The following PYROXD1 variants were observed in gnomAD, a reference collection of about 807,000 sequenced individuals.
PYROXD1 encodes the protein pyridine nucleotide-disulphide oxidoreductase domain 1, also known as tRNA ligase complex-associated NAD(P)H dehydrogenase PYROXD1.
Under a neutral mutation model 62.0 loss-of-function variants are expected in PYROXD1, and 42 were observed. The observed-to-expected ratio is 0.68, with a 90% CI of 0.53 to 0.88. PYROXD1 has a LOEUF of 0.88. Ranked by LOEUF, PYROXD1 falls within the 40% of genes least tolerant of loss-of-function variation. The pLI is 0.00. For synonymous variants in PYROXD1, 170 were observed against 206.4 expected (o/e 0.82, Z 1.51); for missense variants, 493 against 604.8 (o/e 0.82, Z 1.94).
Position 21,460,878 on chromosome 12 carries a change from T to C in PYROXD1, c.751-147T>C, listed in dbSNP as rs1356892531. On this transcript the variant is annotated intron_variant, in intron 7 of 11. Coordinates refer to ENST00000240651, the MANE Select transcript of PYROXD1 (RefSeq NM_024854.5). ...CCTTTCATGTGCATAGAGAGACTTA[T>C]TTTAGGGCACCCAATGTGGTTTCAT... 9 of 469,352 alleles carry C rather than the reference T, an allele frequency of 1.9e-5. No individual in the cohort carries two copies. The South Asian group carries it at 3.3e-4, about 17-fold the overall frequency. 29.1% of individuals were successfully genotyped at this position (469,352 alleles called of 1,614,324 possible).
Position 21,469,339 on chromosome 12 carries a change from T to C in PYROXD1, c.*585T>C, listed in dbSNP as rs1658599124. 1 of 152,182 alleles carries C rather than the reference T, an allele frequency of 6.6e-6. No individual in the cohort carries two copies. Among genetic ancestry groups the C allele is most frequent in the African/African-American group, 2.4e-5 (1 of 41,416 alleles). The allele number at this position is 152,182 out of a possible 1,614,324, so 9.4% of individuals were successfully genotyped here. ...CTTTGAATGCAGCCCAACACAAATC[T>C]GTAAACTTTCTTAAAACATGAGATT... is the stretch of plus-strand genomic sequence containing the variant. On this transcript the variant is annotated 3_prime_UTR_variant, in exon 12 of 12. Transcript: ENST00000240651.
Position 21,452,095 on chromosome 12 carries a change from G to A in PYROXD1, c.429G>A (p.Gln143=), listed in dbSNP as rs1284190406. ...DTDSAQEFQK[Q]LTKAKRIMII... ...TTTTAACATAGGAATTTCAGAAACA[G>A]CTTACTAAAGCTAAAAGAATAATGA... The change falls in exon 5 of 12, where the codon CAG becomes CAA. Residue 143 remains glutamine, a synonymous_variant. Coordinates refer to ENST00000240651, the MANE Select transcript of PYROXD1 (RefSeq NM_024854.5). The A allele has an allele frequency of 1.9e-6, 3 of 1,584,714 alleles. No homozygotes were observed. Among genetic ancestry groups the A allele is most frequent in the Non-Finnish European group, 2.6e-6 (3 of 1,164,236 alleles).
rs1247123013 is a variant in PYROXD1, at chr12:21,469,814, T to TA, written c.*1063dup. On this transcript the variant is annotated 3_prime_UTR_variant, in exon 12 of 12. Coordinates refer to ENST00000240651, the MANE Select transcript of PYROXD1 (RefSeq NM_024854.5). ...ACATCCTTGATCTACATATTTAACT[T>TA]AAAGTATCACTCAGTGAGCCTCTGT... 3 of 165,312 alleles carry TA rather than the reference T, an allele frequency of 1.8e-5. No individual in the cohort carries two copies. The highest frequency in any genetic ancestry group is 6.1e-5 in the Admixed American group (1 of 16,360). 10.2% of individuals were successfully genotyped at this position (165,312 alleles called of 1,614,324 possible).
chr12:21,463,321 A>T (rs1942732515), intron 10 of PYROXD1, among the ~76,000 whole-genome samples: 1 of 152,212 alleles, frequency 6.6e-6, no homozygotes, highest in Non-Finnish European at 1.5e-5. Context: ...GATTAAAAAA[A>T]CTACTAAGAT....
intron 9 of PYROXD1, among the ~76,000 whole-genome samples, 162 bp downstream of exon 9, chr12:21,462,282 T>C (rs1033683125): frequency 1.3e-5 from 2 of 152,226 alleles, no homozygotes; most frequent in African/African-American, 4.8e-5. Context: ...CAGTATTTTT[T>C]ACTGCTTAAA....
chr12:21,442,924 C>T (rs75006811), intron 2 of PYROXD1, among the ~76,000 whole-genome samples: 1,939 of 152,228 alleles, frequency 0.013, 47 homozygotes, highest in African/African-American at 0.044. Context: ...TGGTTATTCT[C>T]CATTTTCATG....
At chr12:21,438,137 TTA>T in intron 1 of PYROXD1, 1 of 286,768 alleles carries the variant, frequency 3.5e-6, no homozygotes, top group Non-Finnish European at 6.5e-6. Flanking sequence ...CCCTTTCTTT[TTA>T]TTTTTTTTTC....
intron 3 of PYROXD1, chr12:21,447,820 A>G (rs538243743): frequency 1.2e-5 from 2 of 165,292 alleles, no homozygotes; most frequent in Admixed American, 6.4e-5. Flanking sequence ...TCCCGTCTCT[A>G]CTAAAAATAC....
intron 5 of PYROXD1, among the ~76,000 whole-genome samples, chr12:21,452,617 A>G (rs933558275): frequency 6.6e-6 from 1 of 152,086 alleles, no homozygotes; most frequent in Non-Finnish European, 1.5e-5. Flanking sequence ...GTTTTAGGAT[A>G]TGTGGTTCTT....
rs564114703 is a variant in PYROXD1 at position 21,470,914 on chromosome 12, T to C, written c.*2160T>C. ...GGGAATATGACAGAAAAGCATCCCA[T>C]AGGCTTTAATATACTTTTTAAAATA... On this transcript the variant is annotated 3_prime_UTR_variant, in exon 12 of 12. Coordinates refer to ENST00000240651, the MANE Select transcript of PYROXD1 (RefSeq NM_024854.5). 39 of 1,267,854 alleles carry C rather than the reference T, an allele frequency of 3.1e-5. 1 individual carries two copies. The Admixed American group carries it at 1.1e-3, about 36-fold the overall frequency. 78.5% of individuals were successfully genotyped at this position (1,267,854 alleles called of 1,614,324 possible). A position where few individuals can be genotyped will look rare whatever the true frequency, so the allele number is the denominator to read the frequency against.
intron 1 of PYROXD1, among the ~76,000 whole-genome samples, chr12:21,440,116 C>G (rs1177218313): frequency 6.6e-6 from 1 of 152,092 alleles, no homozygotes; most frequent in Admixed American, 6.5e-5. Context: ...TTCTTTATAT[C>G]ACTTTTCTTG....
At chr12:21,460,569 G>T (rs987893250) in intron 7 of PYROXD1, among the ~76,000 whole-genome samples, 3 of 151,682 alleles carry the variant, frequency 2.0e-5, no homozygotes, top group Non-Finnish European at 4.4e-5. Flanking sequence ...GACTACAGGC[G>T]CACACCACCA....
At chr12:21,461,628 G>A (rs1284964361) in intron 8 of PYROXD1, among the ~76,000 whole-genome samples, 1 of 152,126 alleles carries the variant, frequency 6.6e-6, no homozygotes, top group Admixed American at 6.5e-5. Flanking sequence ...TAGGAAAGGG[G>A]AATTTGAATA....
At chr12:21,460,966 A>G in intron 7 of PYROXD1, 59 bp from the exon 8 acceptor site, 4 of 1,079,096 alleles carry the variant, frequency 3.7e-6, no homozygotes, top group Non-Finnish European at 5.1e-6. Flanking sequence ...CTTCATCATT[A>G]GTAACCCGGG....
At chr12:21,442,623 C>A (rs1942317003) in intron 2 of PYROXD1, among the ~76,000 whole-genome samples, 1 of 131,456 alleles carries the variant, frequency 7.6e-6, no homozygotes, top group African/African-American at 3.0e-5. Flanking sequence ...GGGGTTGGAA[C>A]ACTCACAGGG....
chr12:21,465,809 G>T (rs1298293003), intron 10 of PYROXD1, among the ~76,000 whole-genome samples: 3 of 151,814 alleles, frequency 2.0e-5, no homozygotes, highest in South Asian at 2.1e-4. Flanking sequence ...GGTCTAACAT[G>T]TAAGTCTTTA....
rs1942903722 is a variant in PYROXD1 at position 21,470,247 on chromosome 12, G to T, written c.*1493G>T. 6.2e-7 allele frequency: 1 copy of T among 1,609,838 alleles called. No homozygotes were observed. Among genetic ancestry groups the T allele is most frequent in the South Asian group, 1.1e-5 (1 of 90,552 alleles). ...GCTCCTGTATTCTTAGAACCAGATT[G>T]CTGAAGCATGTTTGCAGCCTTCTTC... is the stretch of plus-strand genomic sequence containing the variant. On this transcript the variant is annotated 3_prime_UTR_variant, in exon 12 of 12. Transcript: ENST00000240651.
At chr12:21,455,337 T>A (rs755277539) in intron 6 of PYROXD1, 45 bp downstream of exon 6, 8 of 1,243,492 alleles carry the variant, frequency 6.4e-6, no homozygotes, top group Non-Finnish European at 5.3e-6. Context: ...AAAACTTTTT[T>A]AAAACCATAT....
chr12:21,448,998 A>T (rs2417984), intron 3 of PYROXD1, among the ~76,000 whole-genome samples: 74,787 of 151,498 alleles, frequency 0.49, 18,457 homozygotes, highest in Middle Eastern at 0.59. Context: ...TATAAGTACT[A>T]TTTTTTTTAA....
Sources: allele counts gnomAD v4.1 joint callset (sites outside exome capture counted in the v4.1 genomes callset), GRCh38; gene constraint gnomAD v4.1.1; transcripts MANE v1.5; gene names NCBI Gene and HGNC (gene_info 2026-07-23, HGNC 2026-07-21).